The following LCOR variants were observed in gnomAD, a reference collection of about 807,000 sequenced individuals.
LCOR encodes ligand-dependent corepressor.
Under a neutral mutation model 64.4 loss-of-function variants are expected in LCOR, and 14 were observed. That is an observed-to-expected ratio of 0.22 (90% confidence interval 0.14 to 0.34). The LOEUF (loss-of-function observed/expected upper bound fraction) is 0.34. LCOR is among the 10% of genes least tolerant of loss of function. LCOR has a pLI of 1.00. For synonymous variants in LCOR, 643 were observed against 642.5 expected, an observed-to-expected ratio of 1.00 and a Z score of -0.01; for missense variants, 1,686 against 1,765.3, an observed-to-expected ratio of 0.96 and a Z score of 0.80.
chr10:96,887,300 G>A (rs988239877), intron 2 of LCOR, among the ~76,000 whole-genome samples: 9 of 152,168 alleles, frequency 5.9e-5, no homozygotes, highest in Non-Finnish European at 1.0e-4. Context: ...GGGCATGGTG[G>A]CTCACGCTTG....
rs371254440 is a variant in LCOR, at chr10:96,981,868, T to C, written c.1408T>C (p.Cys470Arg). The C allele has an allele frequency of 9.3e-6, 15 of 1,614,174 alleles. No homozygotes were observed. The highest frequency in any genetic ancestry group is 1.3e-5 in the Non-Finnish European group (15 of 1,180,032). Residue 470 changes from cysteine (C) to arginine (R), a missense_variant, in exon 8 of 8, where the codon TGT becomes CGT. By Grantham distance (180) the Cys-to-Arg change is radical. Transcript: ENST00000421806. ...GLRINDYDNQ[C>R]DVVYISQPIT... The stretch of plus-strand genomic sequence containing the variant: ...GAGGATAAATGATTATGATAACCAG[T>C]GTGATGTTGTTTATATCAGTCAACC...
intron 7 of LCOR, chr10:96,963,296 A>T (rs1032771787): frequency 6.6e-6 from 1 of 152,228 alleles, no homozygotes; most frequent in Non-Finnish European, 1.5e-5. Context: ...ATATATTTTT[A>T]AATGCCACTA....
intron 2 of LCOR, among the ~76,000 whole-genome samples, chr10:96,865,292 GA>G (rs1845952254): frequency 6.6e-6 from 1 of 152,202 alleles, no homozygotes; most frequent in African/African-American, 2.4e-5. Context: ...TAGGGAAACT[GA>G]AAATTGGAAG....
Position 96,981,367 on chromosome 10 carries a change from A to G in LCOR, c.907A>G (p.Ile303Val). The G allele has an allele frequency of 1.2e-6, 2 of 1,614,120 alleles. No homozygotes were observed. Among genetic ancestry groups the G allele is most frequent in the Non-Finnish European group, 1.7e-6 (2 of 1,180,022 alleles). Residue 303 changes from isoleucine (I) to valine (V), a missense_variant, in exon 8 of 8, where the codon ATA (isoleucine) becomes GTA (valine). Ile to Val is a conservative substitution (Grantham distance 29). Coordinates refer to ENST00000421806, the MANE Select transcript of LCOR (RefSeq NM_001346516.2). ...ACAAGAGCAAGACACAAATGTGAAC[A>G]TATGTGAGGATGGTAAAGACCATAT... ...TGQEQDTNVN[I>V]CEDGKDHMQS...
intron 7 of LCOR, chr10:96,958,906 T>TAAAAAAAAAAAAAAAAAAAAAAAAA (rs74784568): frequency 9.6e-6 from 1 of 103,890 alleles, no homozygotes; most frequent in Non-Finnish European, 2.2e-5. Flanking sequence ...AAGAAAAACT[T>TAAAAAAAAAAAAAAAAAAAAAAAAA]AAAAAAAAAA....
rs1278257831 is a variant in LCOR at position 96,991,995 on chromosome 10, T to A, written c.*6861T>A. 2 of 152,252 alleles carry A rather than the reference T, an allele frequency of 1.3e-5. No individual in the cohort carries two copies. Among genetic ancestry groups the A allele is most frequent in the African/African-American group, 4.8e-5 (2 of 41,456 alleles). The allele number at this position is 152,252 out of a possible 1,614,324, so 9.4% of individuals were successfully genotyped here. Reference sequence around the variant, plus strand: ...GCTATTCAATTTATCCACTTTTTTTTAAACCCCAGTTTTCTGTGATCTGCA... The same window carrying A: ...GCTATTCAATTTATCCACTTTTTTTAAAACCCCAGTTTTCTGTGATCTGCA... On this transcript the variant is annotated 3_prime_UTR_variant, in exon 8 of 8. Transcript: ENST00000421806.
intron 5 of LCOR, among the ~76,000 whole-genome samples, chr10:96,945,775 T>C (rs2134517599): frequency 6.6e-6 from 1 of 152,222 alleles, no homozygotes; most frequent in East Asian, 1.9e-4. Context: ...CTAATTTACA[T>C]GGAGGAACCA....
chr10:96,958,076 ACACT>A, intron 7 of LCOR: 4 of 1,067,906 alleles, frequency 3.7e-6, no homozygotes, highest in Non-Finnish European at 4.5e-6. Flanking sequence ...CCTTTGTTAC[ACACT>A]CAAGAATTTG....
Position 96,832,650 on chromosome 10 carries a change from C to T in LCOR, c.-404+251C>T, listed in dbSNP as rs1410615641. On this transcript the variant is annotated intron_variant, in intron 1 of 7. Transcript: ENST00000421806. ...CCCCGGGGCTGGCTCTCGGCGGGAGCGCGGGTTCCTCCCCCTCCCGCTCTC... is the reference window on the plus strand; with the variant it reads ...CCCCGGGGCTGGCTCTCGGCGGGAGTGCGGGTTCCTCCCCCTCCCGCTCTC... 1.3e-4 allele frequency among the ~76,000 whole-genome samples: 19 copies of T among 149,934 alleles called. No homozygotes were observed. In the East Asian group the frequency reaches 3.3e-3, roughly 26 times the overall value.
At chr10:96,977,309 C>G (rs1050951278) in intron 7 of LCOR, among the ~76,000 whole-genome samples, 15 of 152,292 alleles carry the variant, frequency 9.8e-5, no homozygotes, top group Admixed American at 7.2e-4. Flanking sequence ...AGATCAGCCA[C>G]TGTTTGGAAG....
chr10:96,917,487 T>G (rs1353235131), intron 4 of LCOR, among the ~76,000 whole-genome samples: 1 of 152,188 alleles, frequency 6.6e-6, no homozygotes, highest in Non-Finnish European at 1.5e-5. Flanking sequence ...ATTTTAGAGA[T>G]AGTAGCTAAT....
chr10:96,838,405 C>T (rs573094015), intron 2 of LCOR, among the ~76,000 whole-genome samples: 12 of 152,182 alleles, frequency 7.9e-5, no homozygotes, highest in South Asian at 4.2e-4. Flanking sequence ...TACAGGTGTG[C>T]GCCACCACAC....
At chr10:96,857,436 T>C (rs999379134) in intron 2 of LCOR, among the ~76,000 whole-genome samples, 1 of 152,228 alleles carries the variant, frequency 6.6e-6, no homozygotes, top group Non-Finnish European at 1.5e-5. Flanking sequence ...AAATTTATCA[T>C]GTCCAGCTTC....
chr10:96,954,870 T>C lies in LCOR; in HGVS notation c.332+2674T>C. The stretch of plus-strand genomic sequence containing the variant: ...AAAGTGATGTTACCCAAGCAAGGCC[T>C]TCTAATAAAGGAGTGGTCCCCTCAC... On this transcript the variant is annotated intron_variant, in intron 7 of 7. Coordinates refer to ENST00000421806, the MANE Select transcript of LCOR (RefSeq NM_001346516.2). 7 of 1,033,086 alleles carry C rather than the reference T, an allele frequency of 6.8e-6. No individual in the cohort carries two copies. The South Asian group carries it at 1.2e-4, about 17-fold the overall frequency. The allele number at this position is 1,033,086 out of a possible 1,614,324, so 64.0% of individuals were successfully genotyped here.
At position 96,982,264 on chromosome 10, in the gene LCOR, C is replaced by T. The variant is rs7098255; in HGVS notation, c.1804C>T (p.Leu602=). The T allele has an allele frequency of 0.049, 79,181 of 1,614,138 alleles. 7,019 individuals are homozygous for T. The highest frequency in any genetic ancestry group is 0.32 in the East Asian group (14,425 of 44,868). The change falls in exon 8 of 8, where the codon CTG becomes TTG. Residue 602 remains leucine (L), a synonymous_variant. Transcript: ENST00000421806. ...EVCPTKIKPN[L]SSSPRSEETT... ...TTGCCCCACAAAGATTAAGCCGAAC[C>T]TGAGCAGCTCCCCTAGGTCAGAGGA...
intron 2 of LCOR, among the ~76,000 whole-genome samples, chr10:96,854,524 A>C (rs769621821): frequency 8.5e-5 from 13 of 152,064 alleles, no homozygotes; most frequent in Non-Finnish European, 1.6e-4. Context: ...ATGGGGTTTC[A>C]CCATGTTGGC....
chr10:96,843,806 C>A (rs1403519580), intron 2 of LCOR, among the ~76,000 whole-genome samples: 4 of 152,142 alleles, frequency 2.6e-5, no homozygotes, highest in Admixed American at 1.3e-4. Flanking sequence ...CACCTCGCAT[C>A]CCCATCAAGT....
At chr10:96,850,069 A>G (rs1845700015) in intron 2 of LCOR, among the ~76,000 whole-genome samples, 1 of 152,176 alleles carries the variant, frequency 6.6e-6, no homozygotes, top group African/African-American at 2.4e-5. Context: ...TGACCACTGT[A>G]TATATGACCT....
intron 4 of LCOR, among the ~76,000 whole-genome samples, chr10:96,923,225 T>C (rs181511690): frequency 3.3e-5 from 5 of 152,342 alleles, no homozygotes; most frequent in Admixed American, 1.3e-4. Context: ...GTAGCAGATA[T>C]GGCTGTAGCT....
Sources: allele counts gnomAD v4.1 joint callset (sites outside exome capture counted in the v4.1 genomes callset), GRCh38; gene constraint gnomAD v4.1.1; transcripts MANE v1.5; gene names NCBI Gene and HGNC (gene_info 2026-07-23, HGNC 2026-07-21).